Variants in DOCK1 observed in about 807,000 individuals in gnomAD.
DOCK1 encodes the protein dedicator of cytokinesis 1, also known as dedicator of cytokinesis protein 1.
Under a neutral mutation model 262.7 loss-of-function variants are expected in DOCK1, and 138 were observed. The ratio of observed to expected loss-of-function variants is 0.53; its 90% CI spans 0.46 to 0.61. DOCK1 has a LOEUF of 0.61. Ranked by LOEUF, DOCK1 falls within the 20% of genes least tolerant of loss-of-function variation. The probability of loss-of-function intolerance (pLI) is 0.00; values close to 1 mark genes in which losing one functional copy is unlikely to be tolerated. For synonymous variants in DOCK1, 866 were observed against 867.4 expected (o/e 1.00, Z 0.03); for missense variants, 1,908 against 2,370.7 (o/e 0.80, Z 4.05).
chr10:127,382,878 A>G (rs1462589128), intron 37 of DOCK1, among the ~76,000 whole-genome samples: 1 of 152,252 alleles, frequency 6.6e-6, no homozygotes, highest in Non-Finnish European at 1.5e-5. Flanking sequence ...CACAAACTGC[A>G]TGATGGTTTG....
intron 23 of DOCK1, among the ~76,000 whole-genome samples, chr10:127,089,363 CCCTA>C (rs1176996461): frequency 2.6e-5 from 4 of 152,122 alleles, no homozygotes; most frequent in African/African-American, 9.7e-5. Flanking sequence ...GATTCAGACC[CCCTA>C]CCCCTCGGGC....
At chr10:127,232,331 G>A (rs2058877627) in intron 27 of DOCK1, among the ~76,000 whole-genome samples, 1 of 152,104 alleles carries the variant, frequency 6.6e-6, no homozygotes, top group African/African-American at 2.4e-5. Flanking sequence ...TGTATATTTA[G>A]AGAGGGTGCT....
intron 18 of DOCK1, among the ~76,000 whole-genome samples, chr10:127,036,550 A>G (rs951399490): frequency 1.3e-5 from 2 of 152,010 alleles, no homozygotes; most frequent in African/African-American, 2.4e-5. Flanking sequence ...TCATGAGCAT[A>G]ACGGTAAATT....
At chr10:127,080,289 T>A (rs969219703) in intron 23 of DOCK1, among the ~76,000 whole-genome samples, 3 of 152,144 alleles carry the variant, frequency 2.0e-5, no homozygotes, top group Non-Finnish European at 4.4e-5. Flanking sequence ...TTCTGAGTTC[T>A]TGCCAATATC....
chr10:127,320,744 T>C (rs2062482275), intron 29 of DOCK1, among the ~76,000 whole-genome samples: 1 of 152,174 alleles, frequency 6.6e-6, no homozygotes, highest in Non-Finnish European at 1.5e-5. Context: ...TCTAGAAATA[T>C]TTATTAAGCA....
chr10:127,048,367 GTA>G (rs1169980281), intron 21 of DOCK1, among the ~76,000 whole-genome samples: 12 of 151,698 alleles, frequency 7.9e-5, no homozygotes, highest in Non-Finnish European at 2.9e-5. Flanking sequence ...GATGTTTATG[GTA>G]TGTGTGTGTA....
intron 23 of DOCK1, among the ~76,000 whole-genome samples, chr10:127,068,282 G>A (rs1404504586): frequency 6.6e-6 from 1 of 152,158 alleles, no homozygotes; most frequent in Non-Finnish European, 1.5e-5. Flanking sequence ...GATCCACACG[G>A]CTACTCACAG....
intron 48 of DOCK1, 138 bp downstream of exon 48, chr10:127,433,566 C>T: frequency 3.3e-6 from 4 of 1,221,170 alleles, no homozygotes; most frequent in Non-Finnish European, 3.3e-6. Flanking sequence ...AACTGAGACC[C>T]TCCGAGACTT....
At chr10:127,244,734 A>G (rs1301932836) in intron 27 of DOCK1, among the ~76,000 whole-genome samples, 2 of 152,104 alleles carry the variant, frequency 1.3e-5, no homozygotes, top group African/African-American at 2.4e-5. Context: ...CTTTGAAGTT[A>G]TAAGGAATAT....
intron 27 of DOCK1, among the ~76,000 whole-genome samples, chr10:127,219,481 G>A (rs1476786737): frequency 6.6e-6 from 1 of 151,904 alleles, no homozygotes; most frequent in African/African-American, 2.4e-5. Flanking sequence ...TTTTAATTGT[G>A]GTAAAATATA....
chr10:127,086,567 T>G (rs753443503), intron 23 of DOCK1, among the ~76,000 whole-genome samples: 2 of 152,150 alleles, frequency 1.3e-5, no homozygotes, highest in African/African-American at 2.4e-5. Context: ...AATAATTGGC[T>G]ACATTGCAGA....
At position 127,416,629 on chromosome 10, in the gene DOCK1, C is replaced by T. The variant is rs923977443; in HGVS notation, c.4515+1391C>T. Among the ~76,000 whole-genome samples, 3 of 152,202 alleles carry T rather than the reference C, an allele frequency of 2.0e-5. No individual in the cohort carries two copies. The East Asian group carries it at 5.8e-4, about 29-fold the overall frequency. On this transcript the variant is annotated intron_variant, in intron 44 of 51. Coordinates refer to ENST00000623213, the MANE Select transcript of DOCK1 (RefSeq NM_001290223.2). ...TGCTACCAAACCCTGATGCCCTCCT[C>T]GTGCCACCTGGGACCAACCCCCGTG...
At chr10:127,088,962 GGGTCT>G (rs2047355564) in intron 23 of DOCK1, among the ~76,000 whole-genome samples, 1 of 152,026 alleles carries the variant, frequency 6.6e-6, no homozygotes, top group Admixed American at 6.5e-5. Flanking sequence ...AGTGCACCAG[GGGTCT>G]GGAACCCTCT....
intron 27 of DOCK1, among the ~76,000 whole-genome samples, chr10:127,244,162 T>C (rs1471991177): frequency 6.6e-6 from 1 of 152,140 alleles, no homozygotes; most frequent in African/African-American, 2.4e-5. Context: ...AACAACAGTT[T>C]TTTTTTTCTA....
chr10:126,970,869 C>T (rs1430176452), intron 2 of DOCK1, 84 bp downstream of exon 2: 1 of 1,450,202 alleles, frequency 6.9e-7, no homozygotes, highest in East Asian at 2.4e-5. Context: ...AAGCATTCCT[C>T]TGTTACAGAC....
At chr10:127,046,262 G>T (rs1226506694) in intron 21 of DOCK1, among the ~76,000 whole-genome samples, 1 of 152,148 alleles carries the variant, frequency 6.6e-6, no homozygotes, top group African/African-American at 2.4e-5. Flanking sequence ...CTTGTGCAGT[G>T]AGCACCACCC....
At chr10:126,950,539 C>T (rs905762110) in intron 1 of DOCK1, among the ~76,000 whole-genome samples, 2 of 152,068 alleles carry the variant, frequency 1.3e-5, no homozygotes, top group Non-Finnish European at 2.9e-5. Context: ...TTGTCACTGT[C>T]CCTTTGAAGC....
chr10:127,206,614 C>A (rs533506391), intron 27 of DOCK1, among the ~76,000 whole-genome samples: 33 of 152,270 alleles, frequency 2.2e-4, no homozygotes, highest in African/African-American at 7.9e-4. Context: ...TCTCCAAAGT[C>A]CCCCTCCACC....
intron 19 of DOCK1, among the ~76,000 whole-genome samples, chr10:127,038,481 C>T (rs1217821078): frequency 6.6e-6 from 1 of 152,134 alleles, no homozygotes; most frequent in Non-Finnish European, 1.5e-5. Flanking sequence ...TCTGCAGGGT[C>T]GTTGTGGAGC....
Sources: gnomAD v4.1 joint callset for allele counts (sites outside exome capture counted in the v4.1 genomes callset) on GRCh38, gnomAD v4.1.1 for gene constraint, MANE v1.5 for transcripts, NCBI Gene and HGNC (gene_info 2026-07-23, HGNC 2026-07-21) for gene names.